Variants in NSUN6 observed in about 807,000 individuals in gnomAD.
NSUN6 encodes tRNA (cytosine(72)-C(5))-methyltransferase NSUN6.
A neutral mutation model predicts 58.0 loss-of-function variants in NSUN6; 64 were observed. That is an observed-to-expected ratio of 1.10 (90% CI 0.90 to 1.36). NSUN6 has a LOEUF of 1.36. Among genes scored for constraint, NSUN6 ranks in the 40% most tolerant of loss-of-function variants. NSUN6 has a pLI of 0.00. For missense variants in NSUN6, 701 were observed against 550.1 expected (o/e 1.27, Z -2.74); for synonymous variants, 231 against 193.9 (o/e 1.19, Z -1.59).
chr10:18,634,812 A>G (rs991883223), intron 3 of NSUN6, among the ~76,000 whole-genome samples: 1 of 152,064 alleles, frequency 6.6e-6, no homozygotes, highest in Non-Finnish European at 1.5e-5. Flanking sequence ...GAAGAAAAAG[A>G]TCAGTGAATG....
At chr10:18,568,241 C>A (rs1386079085) in intron 8 of NSUN6, among the ~76,000 whole-genome samples, 2 of 151,106 alleles carry the variant, frequency 1.3e-5, no homozygotes, top group East Asian at 2.0e-4. Flanking sequence ...TCATTCTCTA[C>A]CATTCTCTGT....
At chr10:18,621,627 C>T (rs1046995256) in intron 3 of NSUN6, among the ~76,000 whole-genome samples, 9 of 151,780 alleles carry the variant, frequency 5.9e-5, no homozygotes, top group African/African-American at 2.2e-4. Flanking sequence ...AGTGCATCAA[C>T]AACATTAAAG....
At chr10:18,582,179 T>A (rs11014994) in intron 8 of NSUN6, among the ~76,000 whole-genome samples, 4,134 of 152,278 alleles carry the variant, frequency 0.027, 181 homozygotes, top group African/African-American at 0.094. Flanking sequence ...ACCAGTTTCA[T>A]GTTTTTTCTG....
At chr10:18,638,758 C>T (rs111741553) in intron 3 of NSUN6, among the ~76,000 whole-genome samples, 1,766 of 151,962 alleles carry the variant, frequency 0.012, 37 homozygotes, top group African/African-American at 0.041. Flanking sequence ...AAGAAAGTAA[C>T]GCAGTACATA....
intron 8 of NSUN6, among the ~76,000 whole-genome samples, chr10:18,569,113 A>G (rs1171313533): frequency 7.1e-6 from 1 of 140,678 alleles, no homozygotes; most frequent in Non-Finnish European, 1.5e-5. Context: ...TCCATTCTCC[A>G]TCCGTTACAT....
chr10:18,549,326 C>T (rs544054537), intron 9 of NSUN6, among the ~76,000 whole-genome samples: 2 of 152,296 alleles, frequency 1.3e-5, no homozygotes, highest in South Asian at 2.1e-4. Flanking sequence ...ACAAGACACA[C>T]TGGCACCTCA....
At chr10:18,626,481 TA>T (rs2058810845) in intron 3 of NSUN6, among the ~76,000 whole-genome samples, 1 of 152,156 alleles carries the variant, frequency 6.6e-6, no homozygotes, top group Admixed American at 6.6e-5. Context: ...AAAAGAGACT[TA>T]ATGGGCCGGA....
chr10:18,577,033 A>G (rs7077722), intron 8 of NSUN6, among the ~76,000 whole-genome samples: 52,856 of 152,086 alleles, frequency 0.35, 9,789 homozygotes, highest in East Asian at 0.74. Context: ...ATTTGAGTCA[A>G]TATTTTGGTA....
chr10:18,637,253 A>C (rs1273740520), intron 3 of NSUN6, among the ~76,000 whole-genome samples: 2 of 152,086 alleles, frequency 1.3e-5, no homozygotes, highest in Non-Finnish European at 2.9e-5. Context: ...GTGAGCCACC[A>C]CGCCCGGCCT....
chr10:18,613,341 C>T (rs979744916), intron 5 of NSUN6, among the ~76,000 whole-genome samples: 9 of 152,132 alleles, frequency 5.9e-5, no homozygotes, highest in South Asian at 2.1e-4. Flanking sequence ...AAGTGATCCG[C>T]CCACCTTGGC....
chr10:18,637,601 G>A (rs2059260852), intron 3 of NSUN6, among the ~76,000 whole-genome samples: 1 of 152,156 alleles, frequency 6.6e-6, no homozygotes, highest in South Asian at 2.1e-4. Flanking sequence ...AATAAGCACA[G>A]ACCTTTGAAC....
intron 8 of NSUN6, among the ~76,000 whole-genome samples, chr10:18,563,747 C>T (rs978417421): frequency 1.9e-4 from 29 of 150,356 alleles, no homozygotes; most frequent in African/African-American, 6.9e-4. Flanking sequence ...CCATTCCATT[C>T]TCCATACCAT....
At chr10:18,589,550 A>G (rs565871051) in intron 7 of NSUN6, among the ~76,000 whole-genome samples, 124 of 152,350 alleles carry the variant, frequency 8.1e-4, no homozygotes, top group African/African-American at 2.9e-3. Context: ...TCGGACTAAC[A>G]GCAGATGTCT....
upstream of NSUN6, chr10:18,658,679 C>T (rs762594340): frequency 7.2e-5 from 71 of 982,634 alleles, no homozygotes; most frequent in Middle Eastern, 2.1e-3. Flanking sequence ...TTCCATGGCT[C>T]GTCTCCCAAT....
intron 8 of NSUN6, among the ~76,000 whole-genome samples, chr10:18,562,749 G>T (rs1028919393): frequency 9.3e-5 from 14 of 150,126 alleles, no homozygotes; most frequent in African/African-American, 3.4e-4. Context: ...AATGGAGAAT[G>T]AACTGGAATG....
intron 3 of NSUN6, among the ~76,000 whole-genome samples, chr10:18,627,133 C>T (rs1400314186): frequency 6.6e-6 from 1 of 152,198 alleles, no homozygotes; most frequent in African/African-American, 2.4e-5. Context: ...AAATCTTCTT[C>T]CAGAAATTAA....
chr10:18,615,645 A>G (rs114527967), intron 4 of NSUN6, among the ~76,000 whole-genome samples: 131 of 152,340 alleles, frequency 8.6e-4, no homozygotes, highest in Middle Eastern at 3.4e-3. Flanking sequence ...TTTCAAGGAC[A>G]CCATAACTGA....
intron 3 of NSUN6, among the ~76,000 whole-genome samples, chr10:18,636,116 G>C (rs940829450): frequency 2.0e-5 from 3 of 151,942 alleles, no homozygotes; most frequent in African/African-American, 7.3e-5. Flanking sequence ...CAGCTAACTT[G>C]TTGTATAAAC....
chr10:18,623,899 C>T (rs991229737), intron 3 of NSUN6, among the ~76,000 whole-genome samples: 22 of 152,156 alleles, frequency 1.4e-4, no homozygotes, highest in African/African-American at 5.3e-4. Context: ...TCCCAGAAAA[C>T]TTATCTGACT....
Sources: allele counts gnomAD v4.1 joint callset (sites outside exome capture counted in the v4.1 genomes callset), GRCh38; gene constraint gnomAD v4.1.1; transcripts MANE v1.5; gene names NCBI Gene and HGNC (gene_info 2026-07-23, HGNC 2026-07-21).